ZDHHC15: variants seen among roughly 807,000 people sequenced by gnomAD.
The protein encoded by ZDHHC15 is palmitoyltransferase ZDHHC15.
In ZDHHC15, 19 loss-of-function variants were observed where a neutral mutation model predicts 31.7. The ratio of observed to expected loss-of-function variants is 0.60; its 90% CI spans 0.42 to 0.88. The LOEUF is 0.88. Among genes scored for constraint, ZDHHC15 ranks in the 40% least tolerant of loss-of-function variants. The pLI is 0.00. For synonymous variants in ZDHHC15, 103 were observed against 90.0 expected, an observed-to-expected ratio of 1.14 and a Z score of -0.82; for missense variants, 209 against 251.2, an observed-to-expected ratio of 0.83 and a Z score of 1.14.
At chrX:75,429,782 T>C (rs1157363278) in intron 6 of ZDHHC15, among the ~76,000 whole-genome samples, 166 bp downstream of exon 6, 2 of 111,484 alleles carry the variant, frequency 1.8e-5, no homozygotes, top group African/African-American at 6.5e-5. Context: ...GGTGTTATAT[T>C]TTTTCTTTAT....
At chrX:75,489,222 C>A (rs2084829616) in intron 2 of ZDHHC15, among the ~76,000 whole-genome samples, 2 of 111,939 alleles carry the variant, frequency 1.8e-5, no homozygotes, top group African/African-American at 6.5e-5. Context: ...ATGTCCCTGT[C>A]TGACAGCTTT....
At chrX:75,470,426 T>C (rs1263582187) in intron 3 of ZDHHC15, among the ~76,000 whole-genome samples, 1 of 111,016 alleles carries the variant, frequency 9.0e-6, no homozygotes, top group East Asian at 2.8e-4. Context: ...GCGAGGAGTT[T>C]AGTGACTCTA....
chrX:75,379,230 G>C (rs758008754), intron 10 of ZDHHC15, 32 bp from the exon 11 acceptor site: 11 of 1,203,017 alleles, frequency 9.1e-6, no homozygotes, highest in Non-Finnish European at 1.2e-5. Context: ...ATGATCAAAT[G>C]TCCCCGTGCC....
intron 2 of ZDHHC15, among the ~76,000 whole-genome samples, chrX:75,496,333 C>G (rs2084999158): frequency 9.0e-6 from 1 of 111,421 alleles, no homozygotes; most frequent in Admixed American, 9.6e-5. Context: ...GCACCTAACA[C>G]TTGTGCTCCC....
At chrX:75,517,980 A>G (rs1338233291) in intron 1 of ZDHHC15, among the ~76,000 whole-genome samples, 1 of 110,304 alleles carries the variant, frequency 9.1e-6, no homozygotes, top group African/African-American at 3.3e-5. Context: ...CAAAAACAAA[A>G]AAAAACAAAA....
At chrX:75,507,376 C>A (rs1281221699) in intron 1 of ZDHHC15, among the ~76,000 whole-genome samples, 2 of 108,756 alleles carry the variant, frequency 1.8e-5, no homozygotes, top group Non-Finnish European at 3.8e-5. Flanking sequence ...TTTTTGCAAA[C>A]TTCCCTTTTG....
At chrX:75,514,821 C>G in intron 1 of ZDHHC15, among the ~76,000 whole-genome samples, 1 of 111,330 alleles carries the variant, frequency 9.0e-6, no homozygotes, top group East Asian at 2.8e-4. Context: ...AATTGTGAGG[C>G]AGCAGCAAGA....
intron 3 of ZDHHC15, among the ~76,000 whole-genome samples, chrX:75,460,179 T>C (rs2084289742): frequency 8.9e-6 from 1 of 112,408 alleles, no homozygotes; most frequent in South Asian, 3.7e-4. Context: ...CTGGCCAGAC[T>C]GCTTCTTTAA....
At chrX:75,449,424 G>A (rs1183000938) in intron 4 of ZDHHC15, among the ~76,000 whole-genome samples, 2 of 111,303 alleles carry the variant, frequency 1.8e-5, no homozygotes, top group African/African-American at 6.5e-5. Context: ...CAAAGGTACC[G>A]TGGTAAGTAC....
At chrX:75,505,067 C>T (rs1473884197) in intron 2 of ZDHHC15, among the ~76,000 whole-genome samples, 1 of 111,570 alleles carries the variant, frequency 9.0e-6, no homozygotes, top group Non-Finnish European at 1.9e-5. Flanking sequence ...CTTTTGTATA[C>T]TATGGTCTAC....
At chrX:75,413,480 G>T (rs2083508646) in intron 10 of ZDHHC15, among the ~76,000 whole-genome samples, 1 of 110,832 alleles carries the variant, frequency 9.0e-6, no homozygotes, top group African/African-American at 3.3e-5. Context: ...CAGCTGGCCA[G>T]CATGGTGAAA....
chrX:75,518,627 C>G (rs1351684489), intron 1 of ZDHHC15, among the ~76,000 whole-genome samples: 1 of 106,302 alleles, frequency 9.4e-6, no homozygotes, highest in African/African-American at 3.4e-5. Context: ...TATCCCCATC[C>G]ATCTCCCTGG....
rs190980186 is a variant in ZDHHC15 at position 75,492,192 on chromosome X, A to T, written c.164-13207T>A. On this transcript the variant is annotated intron_variant, in intron 2 of 11. Transcript: ENST00000373367. ...ATCAAAAGAGACAAAGAAGGACATT[A>T]GATAATGGTAAAGGGATCAATTCAA... Among the ~76,000 whole-genome samples, 302 of 111,832 alleles carry T rather than the reference A, an allele frequency of 2.7e-3. 1 individual carries two copies. The highest frequency in any genetic ancestry group is 4.9e-3 in the Non-Finnish European group (260 of 53,161).
intron 2 of ZDHHC15, among the ~76,000 whole-genome samples, chrX:75,488,112 G>C (rs1455019892): frequency 8.9e-6 from 1 of 111,967 alleles, no homozygotes; most frequent in East Asian, 2.8e-4. Context: ...GGGAATAATC[G>C]AGAAAAACTT....
chrX:75,506,727 C>T (rs1193927082), intron 1 of ZDHHC15, among the ~76,000 whole-genome samples: 3 of 112,290 alleles, frequency 2.7e-5, no homozygotes, highest in African/African-American at 9.7e-5. Flanking sequence ...TTTGTATGTA[C>T]ATGCTGCATG....
intron 1 of ZDHHC15, among the ~76,000 whole-genome samples, chrX:75,519,937 T>G (rs1011156620): frequency 1.1e-4 from 12 of 112,110 alleles, no homozygotes; most frequent in African/African-American, 3.9e-4. Context: ...AAGAAAACAC[T>G]GTGCAGGCCA....
intron 11 of ZDHHC15, among the ~76,000 whole-genome samples, chrX:75,374,008 C>G (rs755073817): frequency 3.5e-4 from 35 of 99,337 alleles, no homozygotes; most frequent in Non-Finnish European, 6.7e-4. Flanking sequence ...CCCTTCCCAG[C>G]CTCTGGTAAT....
chrX:75,444,712 A>ACAC (rs1569332752), intron 4 of ZDHHC15, among the ~76,000 whole-genome samples: 5 of 94,277 alleles, frequency 5.3e-5, no homozygotes, highest in African/African-American at 1.6e-4. Flanking sequence ...ACACACACAC[A>ACAC]AATTTATGTA....
intron 4 of ZDHHC15, among the ~76,000 whole-genome samples, chrX:75,441,816 G>C (rs943003449): frequency 9.1e-6 from 1 of 109,294 alleles, no homozygotes; most frequent in Non-Finnish European, 1.9e-5. Flanking sequence ...GTAGAGATGG[G>C]GTTTCACCAT....
Sources: gnomAD v4.1 joint callset for allele counts (sites outside exome capture counted in the v4.1 genomes callset) on GRCh38, gnomAD v4.1.1 for gene constraint, MANE v1.5 for transcripts, NCBI Gene and HGNC (gene_info 2026-07-23, HGNC 2026-07-21) for gene names.